PALM2AKAP2: variants seen among roughly 807,000 people sequenced by gnomAD.
The protein encoded by PALM2AKAP2 is PALM2 and AKAP2 fusion.
Under a neutral mutation model 71.5 loss-of-function variants are expected in PALM2AKAP2, and 37 were observed. The observed-to-expected ratio is 0.52, with a 90% confidence interval of 0.40 to 0.68. The LOEUF is 0.68. Ranked by LOEUF, PALM2AKAP2 falls within the 30% of genes least tolerant of loss-of-function variation. The probability of loss-of-function intolerance (pLI) is 0.00; values close to 1 mark genes in which losing one functional copy is unlikely to be tolerated. For synonymous variants in PALM2AKAP2, 468 were observed against 478.8 expected, an observed-to-expected ratio of 0.98 and a Z score of 0.29; for missense variants, 1,224 against 1,191.8, an observed-to-expected ratio of 1.03 and a Z score of -0.40.
intron 1 of PALM2AKAP2, among the ~76,000 whole-genome samples, chr9:110,096,797 G>A (rs10980200): frequency 6.6e-6 from 1 of 151,048 alleles, no homozygotes; most frequent in African/African-American, 2.4e-5. Context: ...GGTTGGGGGG[G>A]GGTGAGTCCA....
Position 109,943,356 on chromosome 9 carries a change from G to A in PALM2AKAP2, c.496+11328G>A, listed in dbSNP as rs769068012. The A allele has an allele frequency of 6.2e-6, 10 of 1,614,102 alleles. No individual in the cohort carries two copies. The African/African-American group carries it at 1.2e-4, about 19-fold the overall frequency. ...CCTCATCCCCAGAAGGGAAGGAAGA[G>A]AGCCTAGCTACAGAGCCAGCCCCAG... On this transcript the variant is annotated intron_variant, in intron 6 of 9. Transcript: ENST00000302798.
chr9:109,657,655 G>A (rs893106604), intron 1 of PALM2AKAP2, among the ~76,000 whole-genome samples: 5 of 152,106 alleles, frequency 3.3e-5, no homozygotes, highest in African/African-American at 1.2e-4. Context: ...TTGAGGGAGC[G>A]AGTTGGTATA....
intron 1 of PALM2AKAP2, among the ~76,000 whole-genome samples, chr9:110,074,801 G>A (rs368250127): frequency 3.9e-5 from 6 of 152,066 alleles, no homozygotes; most frequent in South Asian, 2.1e-4. Flanking sequence ...TCAAGAGTTC[G>A]AGACCAGCCT....
chr9:109,856,926 ATCTTGT>A (rs1360934884), intron 1 of PALM2AKAP2, among the ~76,000 whole-genome samples: 3 of 152,046 alleles, frequency 2.0e-5, no homozygotes, highest in Non-Finnish European at 4.4e-5. Flanking sequence ...TGTGCACACT[ATCTTGT>A]TTTGTATTTC....
At chr9:109,714,548 T>A (rs1828288266) in intron 1 of PALM2AKAP2, among the ~76,000 whole-genome samples, 2 of 152,170 alleles carry the variant, frequency 1.3e-5, no homozygotes, top group South Asian at 4.1e-4. Flanking sequence ...ACCATCCAAG[T>A]GGGTGGAATG....
chr9:109,735,181 T>C (rs79934736), intron 1 of PALM2AKAP2, among the ~76,000 whole-genome samples: 5,905 of 148,942 alleles, frequency 0.04, 174 homozygotes, highest in Non-Finnish European at 0.053. Flanking sequence ...CCTCAGGGCC[T>C]GGCTACTGCC....
At position 109,686,722 on chromosome 9, in the gene PALM2AKAP2, A is replaced by C. The variant is rs191271271; in HGVS notation, c.5+45856A>C. On this transcript the variant is annotated intron_variant, in intron 1 of 6. Transcript: ENST00000374531. ...TTTAAGTTTTAGGGTACATGTACAC[A>C]ACATGCAGGTTTGTTACATATGTAT... Among the ~76,000 whole-genome samples, 14 of 152,170 alleles carry C rather than the reference A, an allele frequency of 9.2e-5. No homozygotes were observed. In the East Asian group the frequency reaches 2.7e-3, roughly 29 times the overall value.
chr9:110,153,523 T>TAATTCA (rs1836374776), intron 2 of PALM2AKAP2, among the ~76,000 whole-genome samples: 2 of 152,242 alleles, frequency 1.3e-5, no homozygotes, highest in Non-Finnish European at 2.9e-5. Context: ...GGTGAAGGCA[T>TAATTCA]TTAAGCCCTT....
At chr9:110,115,561 A>G (rs190375709) in intron 1 of PALM2AKAP2, among the ~76,000 whole-genome samples, 323 of 152,272 alleles carry the variant, frequency 2.1e-3, no homozygotes, top group African/African-American at 7.5e-3. Context: ...GGACTCTCAG[A>G]CTGACCATCT....
chr9:109,736,389 GT>G (rs2118672901), intron 1 of PALM2AKAP2, among the ~76,000 whole-genome samples: 1 of 152,188 alleles, frequency 6.6e-6, no homozygotes, highest in African/African-American at 2.4e-5. Context: ...TGGTCTAGGT[GT>G]TATGAAAGGG....
intron 1 of PALM2AKAP2, among the ~76,000 whole-genome samples, chr9:109,692,850 A>C (rs959496860): frequency 6.6e-6 from 1 of 151,908 alleles, no homozygotes; most frequent in African/African-American, 2.4e-5. Context: ...AAAAAATTTA[A>C]AAGTTTTGCA....
intron 3 of PALM2AKAP2, among the ~76,000 whole-genome samples, chr9:109,909,091 G>T (rs1241848252): frequency 2.0e-5 from 3 of 151,234 alleles, no homozygotes; most frequent in Non-Finnish European, 4.4e-5. Flanking sequence ...TCTACTTATG[G>T]TTTTATTTAG....
intron 6 of PALM2AKAP2, among the ~76,000 whole-genome samples, chr9:109,985,840 G>C (rs760742672): frequency 2.0e-5 from 3 of 151,906 alleles, no homozygotes; most frequent in Non-Finnish European, 2.9e-5. Flanking sequence ...AGTGAAGATG[G>C]GGTTTCACCA....
chr9:109,779,980 AGCCGTGCGCCCCAGCGGCTC>A (rs907032980), upstream of PALM2AKAP2, among the ~76,000 whole-genome samples: 8 of 151,814 alleles, frequency 5.3e-5, no homozygotes, highest in Admixed American at 1.3e-4. Context: ...GCGCCACGCC[AGCCGTGCGCCCCAGCGGCTC>A]GCCGTGCGCC....
In PALM2AKAP2 at chr9:109,932,664, G is replaced by A. The variant is rs1831132191; in HGVS notation, c.496+636G>A. ...ACCATGCTTTGCTCTGCTTAATGCAGACATGCCTCAGAAATCAGAACTGGA... is the reference window on the plus strand; with the variant it reads ...ACCATGCTTTGCTCTGCTTAATGCAAACATGCCTCAGAAATCAGAACTGGA... On this transcript the variant is annotated intron_variant, in intron 6 of 9. Transcript: ENST00000302798. Among the ~76,000 whole-genome samples the A allele has an allele frequency of 2.6e-5, 4 of 152,130 alleles. No individual in the cohort carries two copies. In the South Asian group the frequency reaches 8.3e-4, roughly 32 times the overall value.
In PALM2AKAP2 at chr9:109,822,203, A is replaced by T. The variant is rs569401924; in HGVS notation, c.45+41670A>T. Among the ~76,000 whole-genome samples the T allele has an allele frequency of 2.0e-5, 3 of 152,294 alleles. No homozygotes were observed. The South Asian group carries it at 6.2e-4, about 32-fold the overall frequency. On this transcript the variant is annotated intron_variant, in intron 1 of 9. Transcript: ENST00000302798. ...CAGAAATGTGACTAGGCCTAAGGAAAGCGTCAAAAAGTCACTAGATTTTTT... is the reference window on the plus strand; with the variant it reads ...CAGAAATGTGACTAGGCCTAAGGAATGCGTCAAAAAGTCACTAGATTTTTT...
intron 1 of PALM2AKAP2, 101 bp from the exon 8 acceptor site, chr9:110,136,026 T>G: frequency 7.1e-7 from 1 of 1,406,728 alleles, no homozygotes; most frequent in Non-Finnish European, 9.4e-7. Context: ...GTCACTGTGG[T>G]TTCCATTTTC....
At chr9:110,117,566 T>A (rs893653976) in intron 1 of PALM2AKAP2, among the ~76,000 whole-genome samples, 1 of 152,188 alleles carries the variant, frequency 6.6e-6, no homozygotes, top group Non-Finnish European at 1.5e-5. Flanking sequence ...AGAGTATACC[T>A]GAGTCTGAGT....
intron 1 of PALM2AKAP2, among the ~76,000 whole-genome samples, chr9:109,807,533 G>A (rs537899935): frequency 2.8e-4 from 43 of 151,026 alleles, no homozygotes; most frequent in Non-Finnish European, 5.2e-4. Context: ...TCACATGGTG[G>A]AAGGGGCAAG....
Sources: gnomAD v4.1 joint callset for allele counts (sites outside exome capture counted in the v4.1 genomes callset) on GRCh38, gnomAD v4.1.1 for gene constraint, MANE v1.5 for transcripts, NCBI Gene and HGNC (gene_info 2026-07-23, HGNC 2026-07-21) for gene names.